TULP1: variants seen among roughly 807,000 people sequenced by gnomAD.
TULP1 encodes tubby-related protein 1.
In TULP1, 50 loss-of-function variants were observed where a neutral mutation model predicts 67.1. The ratio of observed to expected loss-of-function variants is 0.75; its 90% CI spans 0.59 to 0.94. TULP1 has a LOEUF of 0.94. TULP1 is among the 40% of genes least tolerant of loss of function. The pLI is 0.00. For missense variants in TULP1, 746 were observed against 734.1 expected, an observed-to-expected ratio of 1.02 and a Z score of -0.19; for synonymous variants, 297 against 294.0, an observed-to-expected ratio of 1.01 and a Z score of -0.11.
chr6:35,511,129 C>T, intron 4 of TULP1, 119 bp from the exon 5 acceptor site: 1 of 1,547,112 alleles, frequency 6.5e-7, no homozygotes, highest in Non-Finnish European at 8.6e-7. Context: ...GCCTGCCCTT[C>T]TGAAACAAGA....
chr6:35,506,394 C>G (rs1228494488), intron 8 of TULP1, 115 bp from the exon 9 acceptor site: 5 of 1,278,472 alleles, frequency 3.9e-6, no homozygotes, highest in Non-Finnish European at 4.4e-6. Context: ...TTAGGAGGCT[C>G]TGGGGAGCTC....
At chr6:35,504,512 C>T (rs775648568) in intron 11 of TULP1, among the ~76,000 whole-genome samples, 13 of 152,294 alleles carry the variant, frequency 8.5e-5, no homozygotes, top group Non-Finnish European at 1.3e-4. Flanking sequence ...GCATTTCCCT[C>T]ATTTGGACAA....
In TULP1 at chr6:35,497,985, G is replaced by T; in HGVS notation, c.*342C>A. On this transcript the variant is annotated 3_prime_UTR_variant, in exon 15 of 15. Transcript: ENST00000229771. ...TCCTCGGAGCCCTAGCGCGGTCCCG[G>T]GGAGAGGGGAGGTTAAAACAACAAT... The T allele has an allele frequency of 4.6e-6, 2 of 435,998 alleles. No individual in the cohort carries two copies. Among genetic ancestry groups the T allele is most frequent in the Non-Finnish European group, 8.5e-6 (2 of 235,358 alleles). 27.0% of individuals were successfully genotyped at this position (435,998 alleles called of 1,614,324 possible). A position where few individuals can be genotyped will look rare whatever the true frequency, so the allele number is the denominator to read the frequency against.
chr6:35,500,132 C>T lies in TULP1; in HGVS notation c.1344G>A (p.Val448=), dbSNP rs141666148. The part of the protein sequence containing the change: ...RPRNASDGLL[V]RWQNKTLESL... ...TCTCCAGCGTCTTGTTCTGCCAGCG[C>T]ACCAGCAGGCCGTCACTAGCCTGGG... The change falls in exon 14 of 15, where the codon GTG becomes GTA. Residue 448 remains valine (V), a synonymous_variant. Transcript: ENST00000229771. The T allele has an allele frequency of 2.5e-6, 4 of 1,613,984 alleles. No homozygotes were observed. Among genetic ancestry groups the T allele is most frequent in the African/African-American group, 1.3e-5 (1 of 74,894 alleles).
At position 35,510,877 on chromosome 6, in the gene TULP1, C is replaced by T; in HGVS notation, c.483G>A (p.Lys161=). 1 of 1,614,052 alleles carries T rather than the reference C, an allele frequency of 6.2e-7. No homozygotes were observed. The highest frequency in any genetic ancestry group is 8.5e-7 in the Non-Finnish European group (1 of 1,180,046). The change falls in exon 5 of 15, where the codon AAG becomes AAA. Residue 161 remains lysine, a synonymous_variant. Coordinates refer to ENST00000229771, the MANE Select transcript of TULP1 (RefSeq NM_003322.6). ...AGCACCCACCCCTTGGGCCCTGGGC[C>T]TTGGCCCTCCTCTCCTTCAGGTCTG... The part of the protein sequence containing the change: ...SSADLKERRA[K]AQGPRGDLGS...
rs767238639 is a variant in TULP1, at chr6:35,503,576, G to C, written c.1306C>G (p.Pro436Ala). 2.5e-6 allele frequency: 4 copies of C among 1,580,168 alleles called. No individual in the cohort carries two copies. The highest frequency in any genetic ancestry group is 3.4e-6 in the Non-Finnish European group (4 of 1,163,146). ...GGGCTCACATTTCGGGGCCGGATGGGGACCCTCTCGTTCTCCGCACTCATG... is the reference window on the plus strand; with the variant it reads ...GGGCTCACATTTCGGGGCCGGATGGCGACCCTCTCGTTCTCCGCACTCATG... ...PGMSAENERV[P>A]IRPRNASDGL... Residue 436 changes from proline (P) to alanine (A), a missense_variant, in exon 13 of 15, where the codon CCC (proline) becomes GCC (alanine). Physicochemically the swap from Pro to Ala is conservative, Grantham distance 27 (BLOSUM62 -1). Around this residue, in one of 3 missense-constraint regions of TULP1, gnomAD observed 383 missense variants for 374.1 expected, o/e 1.02. Coordinates refer to ENST00000229771, the MANE Select transcript of TULP1 (RefSeq NM_003322.6). This position sits in a 1 kb window ranked among gnomAD's most constrained non-coding sequence, Gnocchi z 4.0.
At chr6:35,502,153 CTTTTTTCTTTTTAAA>C (rs1414615977) in intron 13 of TULP1, among the ~76,000 whole-genome samples, 1 of 151,854 alleles carries the variant, frequency 6.6e-6, no homozygotes, top group Non-Finnish European at 1.5e-5. Context: ...CCCTGTTTGA[CTTTTTTCTTTTTAAA>C]TTTTTTCTTT....
rs752893191 is a variant in TULP1 at position 35,509,271 on chromosome 6, C to T, written c.760G>A (p.Glu254Lys). ...CTCTTCTTTATCACCGTAGCTGCCT[C>T]CTCCTCCTCTTCTTCCTCCTTCCTC... ...GARKEEEEEE[E>K]AATVIKKSNQ... is the part of the protein sequence containing the mutation. The change falls in exon 8 of 15, where the codon GAG (glutamate) becomes AAG (lysine). Residue 254 changes from glutamate to lysine, a missense_variant. Coordinates refer to ENST00000229771, the MANE Select transcript of TULP1 (RefSeq NM_003322.6). 6.2e-7 allele frequency: 1 copy of T among 1,613,934 alleles called. No homozygotes were observed. The highest frequency in any genetic ancestry group is 8.5e-7 in the Non-Finnish European group (1 of 1,179,838).
rs763782284 is a variant in TULP1 at position 35,498,287 on chromosome 6, C to G, written c.*40G>C. 2 of 1,608,264 alleles carry G rather than the reference C, an allele frequency of 1.2e-6. No homozygotes were observed. The highest frequency in any genetic ancestry group is 1.7e-6 in the Non-Finnish European group (2 of 1,178,642). ...CCAGCCTCCACTGAATCCTTTCCCC[C>G]ACGCTGACGGGCTCTGGGGGCGCTG... On this transcript the variant is annotated 3_prime_UTR_variant, in exon 15 of 15. Coordinates refer to ENST00000229771, the MANE Select transcript of TULP1 (RefSeq NM_003322.6). This position sits in a 1 kb window ranked among gnomAD's most constrained non-coding sequence, Gnocchi z 6.7.
chr6:35,510,059 TTTTTC>T, intron 5 of TULP1, 131 bp from the exon 6 acceptor site: 1 of 783,752 alleles, frequency 1.3e-6, no homozygotes, highest in Non-Finnish European at 2.0e-6. Flanking sequence ...GCCTGCCTTC[TTTTTC>T]TTTTTTTTTT....
Position 35,498,224 on chromosome 6 carries a change from G to A in TULP1, c.*103C>T. Reference sequence around the variant, plus strand: ...CAGTGAGAGGTCAGCCCCGACACAGGAGCAGTTTTCCGCGGGAGCTTTGCT... The same window carrying A: ...CAGTGAGAGGTCAGCCCCGACACAGAAGCAGTTTTCCGCGGGAGCTTTGCT... On this transcript the variant is annotated 3_prime_UTR_variant, in exon 15 of 15. Transcript: ENST00000229771. The surrounding 1 kb of genome is among the most constrained non-coding windows in gnomAD (Gnocchi z 6.7). The A allele has an allele frequency of 6.6e-7, 1 of 1,521,748 alleles. No homozygotes were observed. Among genetic ancestry groups the A allele is most frequent in the Non-Finnish European group, 8.8e-7 (1 of 1,133,460 alleles). 94.3% of individuals were successfully genotyped at this position (1,521,748 alleles called of 1,614,324 possible). A position where few individuals can be genotyped will look rare whatever the true frequency, so the allele number is the denominator to read the frequency against.
intron 7 of TULP1, 121 bp from the exon 8 acceptor site, chr6:35,509,433 AT>A: frequency 8.8e-7 from 1 of 1,140,748 alleles, no homozygotes; most frequent in Non-Finnish European, 1.3e-6. Flanking sequence ...CCATGTTATT[AT>A]TAGAGCCCAA....
Position 35,512,687 on chromosome 6 carries a change from C to G in TULP1, c.51G>C (p.Gly17=). The change falls in exon 2 of 15, where the codon GGG becomes GGC. Residue 17 remains glycine (G), a synonymous_variant. Coordinates refer to ENST00000229771, the MANE Select transcript of TULP1 (RefSeq NM_003322.6). ...TLREVWASDS[G]HEEESLSPEA... ...CCGGGCTCAGGCTTTCTTCTTCATGCCCACTGAGGGTAGCAAAGGGATCAG... is the reference window on the plus strand; with the variant it reads ...CCGGGCTCAGGCTTTCTTCTTCATGGCCACTGAGGGTAGCAAAGGGATCAG... 6.2e-7 allele frequency: 1 copy of G among 1,614,024 alleles called. No individual in the cohort carries two copies.
In TULP1 at chr6:35,510,911, TTC is replaced by T; in HGVS notation, c.447_448del (p.Lys150GlufsTer23). On this transcript the variant is annotated frameshift_variant, in exon 5 of 15. Coordinates refer to ENST00000229771, the MANE Select transcript of TULP1 (RefSeq NM_003322.6). LOFTEE classifies it high-confidence loss of function. Reference sequence around the variant, plus strand: ...CCTCTCCTTCAGGTCTGCGGAGCTCTTCTCTCTCAGGGGCTTCTTGGGAGGCA... The same window carrying T: ...CCTCTCCTTCAGGTCTGCGGAGCTCTTCTCTCAGGGGCTTCTTGGGAGGCA... 6.2e-7 allele frequency: 1 copy of T among 1,613,954 alleles called. No individual in the cohort carries two copies. Among genetic ancestry groups the T allele is most frequent in the Non-Finnish European group, 8.5e-7 (1 of 1,180,008 alleles).
intron 4 of TULP1, 87 bp downstream of exon 4, chr6:35,511,561 G>C (rs1443105359): frequency 4.5e-6 from 7 of 1,542,630 alleles, no homozygotes; most frequent in Non-Finnish European, 6.1e-6. Context: ...GTTGTTTTCT[G>C]CCTCTCTGGG....
intron 8 of TULP1, among the ~76,000 whole-genome samples, chr6:35,506,704 T>A (rs186555501): frequency 6.6e-6 from 1 of 152,168 alleles, no homozygotes; most frequent in Non-Finnish European, 1.5e-5. Flanking sequence ...TCATCCCCAT[T>A]GTATAGATGA....
At chr6:35,504,154 C>CA in intron 11 of TULP1, 1 of 332,318 alleles carries the variant, frequency 3.0e-6, no homozygotes, top group Non-Finnish European at 5.8e-6. Context: ...GCTGTCTCTA[C>CA]AAAAAACACC....
chr6:35,507,272 C>T (rs1761105534), intron 8 of TULP1, among the ~76,000 whole-genome samples: 1 of 149,774 alleles, frequency 6.7e-6, no homozygotes, highest in Non-Finnish European at 1.5e-5. Flanking sequence ...GAACTGAGAT[C>T]TCCAGCTAAC....
Position 35,512,628 on chromosome 6 carries a change from G to A in TULP1, c.99+11C>T. 2 of 1,613,970 alleles carry A rather than the reference G, an allele frequency of 1.2e-6. No homozygotes were observed. Among genetic ancestry groups the A allele is most frequent in the East Asian group, 2.2e-5 (1 of 44,830 alleles). On this transcript the variant is annotated intron_variant, in intron 2 of 14. Coordinates refer to ENST00000229771, the MANE Select transcript of TULP1 (RefSeq NM_003322.6). ...CATCTTTCTGCTTCCTTTCCAAGTGGGGTGGCATACCTGTTTGGGGCGCCG... is the reference window on the plus strand; with the variant it reads ...CATCTTTCTGCTTCCTTTCCAAGTGAGGTGGCATACCTGTTTGGGGCGCCG...
Sources: allele counts gnomAD v4.1 joint callset (sites outside exome capture counted in the v4.1 genomes callset), GRCh38; gene constraint gnomAD v4.1.1; regional missense constraint gnomAD v4.1.1; non-coding constraint Gnocchi (gnomAD v3.1); transcripts MANE v1.5; gene names NCBI Gene and HGNC (gene_info 2026-07-23, HGNC 2026-07-21).